EXOC6B: variants seen among roughly 807,000 people sequenced by gnomAD.
The protein encoded by EXOC6B is exocyst complex component 6B.
EXOC6B carries 54 observed loss-of-function variants against 113.5 expected under a neutral mutation model. The ratio of observed to expected loss-of-function variants is 0.48; its 90% CI spans 0.38 to 0.60. The LOEUF (loss-of-function observed/expected upper bound fraction) is 0.60, where lower values mean the gene tolerates loss of function less well. Among genes scored for constraint, EXOC6B ranks in the 20% least tolerant of loss-of-function variants. EXOC6B has a pLI of 0.00. For synonymous variants in EXOC6B, 357 were observed against 339.0 expected, an observed-to-expected ratio of 1.05 and a Z score of -0.58; for missense variants, 797 against 977.5, an observed-to-expected ratio of 0.82 and a Z score of 2.46.
At chr2:72,708,937 T>G (rs541001032) in intron 6 of EXOC6B, among the ~76,000 whole-genome samples, 16 of 106,912 alleles carry the variant, frequency 1.5e-4, no homozygotes, top group African/African-American at 5.7e-4. Flanking sequence ...AGAGACAAAG[T>G]CTTACTATGT....
At chr2:72,494,626 G>A (rs1283480098) in intron 15 of EXOC6B, among the ~76,000 whole-genome samples, 1 of 152,048 alleles carries the variant, frequency 6.6e-6, no homozygotes, top group Non-Finnish European at 1.5e-5. Context: ...GCTGGGTACA[G>A]GGGATATTGT....
chr2:72,468,251 A>G (rs552101771), intron 17 of EXOC6B, among the ~76,000 whole-genome samples: 1 of 151,588 alleles, frequency 6.6e-6, no homozygotes, highest in Admixed American at 6.6e-5. Flanking sequence ...ATTTTTCCCT[A>G]TATTATTTTG....
intron 1 of EXOC6B, among the ~76,000 whole-genome samples, chr2:72,819,688 C>T (rs1386382316): frequency 6.6e-6 from 1 of 152,132 alleles, no homozygotes; most frequent in Non-Finnish European, 1.5e-5. Context: ...TGGAAGATGA[C>T]TCACACTTGA....
intron 1 of EXOC6B, among the ~76,000 whole-genome samples, chr2:72,759,307 A>T (rs1480223975): frequency 1.3e-5 from 2 of 152,232 alleles, no homozygotes; most frequent in Admixed American, 1.3e-4. Context: ...TCAAATGAGA[A>T]AAATAAGGCC....
chr2:72,789,292 A>G (rs1291386717), intron 1 of EXOC6B, among the ~76,000 whole-genome samples: 1 of 152,224 alleles, frequency 6.6e-6, no homozygotes, highest in East Asian at 1.9e-4. Flanking sequence ...GAGCTAACAT[A>G]CGTGGTACAT....
In EXOC6B at chr2:72,550,922, T is replaced by A. The variant is rs546626434; in HGVS notation, c.915+8531A>T. 8.2e-3 allele frequency among the ~76,000 whole-genome samples: 1,218 copies of A among 147,876 alleles called. 11 individuals are homozygous for A. The highest frequency in any genetic ancestry group is 0.013 in the Non-Finnish European group (852 of 67,180). On this transcript the variant is annotated intron_variant, in intron 8 of 21. Transcript: ENST00000272427. The stretch of plus-strand genomic sequence containing the variant: ...AACTGCCATTTATTTTTTTTTTATT[T>A]TTTTTTTTTTTTTTGAGACGGAGTC...
At chr2:72,696,387 A>C (rs1302673172) in intron 6 of EXOC6B, among the ~76,000 whole-genome samples, 1 of 152,238 alleles carries the variant, frequency 6.6e-6, no homozygotes, top group Non-Finnish European at 1.5e-5. Context: ...ACCTATCTTC[A>C]ACTTGATGTG....
intron 20 of EXOC6B, among the ~76,000 whole-genome samples, chr2:72,304,336 G>T (rs1395834259): frequency 6.6e-6 from 1 of 152,090 alleles, no homozygotes; most frequent in African/African-American, 2.4e-5. Context: ...CTGAACAGAA[G>T]AGAATACTGG....
chr2:72,649,038 G>A (rs1673959773), intron 6 of EXOC6B, among the ~76,000 whole-genome samples: 1 of 152,134 alleles, frequency 6.6e-6, no homozygotes, highest in South Asian at 2.1e-4. Context: ...TACTCAGGAG[G>A]CTGAGGTGGG....
intron 6 of EXOC6B, among the ~76,000 whole-genome samples, chr2:72,597,483 C>T (rs1670144034): frequency 6.6e-6 from 1 of 151,392 alleles, no homozygotes; most frequent in Admixed American, 6.6e-5. Flanking sequence ...CTATAAAATA[C>T]TCAATTAAAA....
At chr2:72,732,603 T>G (rs1007827915) in intron 3 of EXOC6B, among the ~76,000 whole-genome samples, 3 of 151,884 alleles carry the variant, frequency 2.0e-5, no homozygotes, top group Non-Finnish European at 4.4e-5. Context: ...CAATGGAGAA[T>G]GACATACAAA....
At chr2:72,539,796 ATTTTT>A (rs1018913102) in intron 8 of EXOC6B, among the ~76,000 whole-genome samples, 1 of 151,808 alleles carries the variant, frequency 6.6e-6, no homozygotes, top group African/African-American at 2.4e-5. Flanking sequence ...ACTAAATATA[ATTTTT>A]TTATTATTAT....
chr2:72,513,808 T>A (rs1701070613), intron 10 of EXOC6B, among the ~76,000 whole-genome samples: 1 of 152,104 alleles, frequency 6.6e-6, no homozygotes, highest in Non-Finnish European at 1.5e-5. Flanking sequence ...TGTGGCTTTT[T>A]GTTATTATGC....
chr2:72,571,517 T>C (rs1489261330), intron 7 of EXOC6B, among the ~76,000 whole-genome samples: 3 of 152,224 alleles, frequency 2.0e-5, no homozygotes, highest in Non-Finnish European at 4.4e-5. Context: ...CTTGTGACTC[T>C]TTTATTAGCT....
At chr2:72,720,888 T>C (rs1220009254) in intron 5 of EXOC6B, among the ~76,000 whole-genome samples, 2 of 151,918 alleles carry the variant, frequency 1.3e-5, no homozygotes, top group East Asian at 1.9e-4. Flanking sequence ...GGGATGATAT[T>C]TGTCTAATAG....
At chr2:72,742,109 T>C (rs139444141) in intron 1 of EXOC6B, among the ~76,000 whole-genome samples, 1 of 152,268 alleles carries the variant, frequency 6.6e-6, no homozygotes, top group Non-Finnish European at 1.5e-5. Flanking sequence ...CTCATTAAAA[T>C]CAACCAGTCT....
chr2:72,232,788 C>T (rs901924707), intron 20 of EXOC6B, among the ~76,000 whole-genome samples: 1 of 151,666 alleles, frequency 6.6e-6, no homozygotes, highest in African/African-American at 2.4e-5. Context: ...ATAAAGAAAC[C>T]CGGGCCAGGC....
At chr2:72,630,372 A>C (rs1186478392) in intron 6 of EXOC6B, among the ~76,000 whole-genome samples, 4 of 152,196 alleles carry the variant, frequency 2.6e-5, no homozygotes, top group Non-Finnish European at 1.5e-5. Context: ...TTAAAAAAAC[A>C]ATTATGGTTT....
chr2:72,554,717 T>C (rs1489881992), intron 8 of EXOC6B, among the ~76,000 whole-genome samples: 1 of 152,164 alleles, frequency 6.6e-6, no homozygotes, highest in Non-Finnish European at 1.5e-5. Context: ...TGAGTTCACA[T>C]TGCATATGTA....
Sources: allele counts gnomAD v4.1 joint callset (sites outside exome capture counted in the v4.1 genomes callset), GRCh38; gene constraint gnomAD v4.1.1; transcripts MANE v1.5; gene names NCBI Gene and HGNC (gene_info 2026-07-23, HGNC 2026-07-21).